NXPE2: variants seen among roughly 807,000 people sequenced by gnomAD.
NXPE2 encodes the protein neurexophilin and PC-esterase domain family member 2, also known as NXPE family member 2.
A neutral mutation model predicts 34.4 loss-of-function variants in NXPE2; 34 were observed. The ratio of observed to expected loss-of-function variants is 0.99; its 90% CI spans 0.75 to 1.31. The LOEUF is 1.31. Ranked by LOEUF, NXPE2 falls within the 40% of genes most tolerant of loss-of-function variation. The pLI is 0.00. For synonymous variants in NXPE2, 235 were observed against 231.3 expected (o/e 1.02, Z -0.15); for missense variants, 649 against 672.5 (o/e 0.97, Z 0.39).
the NXPE2 span, among the ~76,000 whole-genome samples, chr11:114,547,136 G>C: frequency 5.3e-5 from 8 of 152,096 alleles, no homozygotes; most frequent in African/African-American, 1.7e-4. Flanking sequence ...TAAAGAGCAG[G>C]GTGGGGCAGA....
the NXPE2 span, among the ~76,000 whole-genome samples, chr11:114,727,785 ACACACACACACACAC>A: frequency 2.0e-5 from 3 of 149,548 alleles, no homozygotes; most frequent in African/African-American, 5.0e-5. Context: ...ACACACACAC[ACACACACACACACAC>A]ACACACACAC....
At chr11:114,524,289 A>G in the NXPE2 span, among the ~76,000 whole-genome samples, 1 of 152,146 alleles carries the variant, frequency 6.6e-6, no homozygotes, top group African/African-American at 2.4e-5. Context: ...TTCTATTACT[A>G]AAGAAGGAGA....
In NXPE2 at chr11:114,698,321, G is replaced by A; in HGVS notation, c.409G>A (p.Asp137Asn). 3.1e-6 allele frequency: 5 copies of A among 1,613,976 alleles called. No individual in the cohort carries two copies. Among genetic ancestry groups the A allele is most frequent in the Non-Finnish European group, 3.4e-6 (4 of 1,179,950 alleles). ...GCTGGACATCCTTCTGGAGGTGAGG[G>A]ACCACTTGGGACACAGGAAGCAATA... ...DQLDILLEVR[D>N]HLGHRKQYGG... Residue 137 changes from aspartate (D) to asparagine (N), a missense_variant, in exon 3 of 6, where the codon GAC (aspartate) becomes AAC (asparagine). Asp to Asn is a conservative substitution (Grantham distance 23, BLOSUM62 1). Transcript: ENST00000389586.
chr11:114,633,033 TTTA>T, the NXPE2 span, among the ~76,000 whole-genome samples: 2 of 112,722 alleles, frequency 1.8e-5, no homozygotes, highest in African/African-American at 3.6e-5. Context: ...AATGTAATAT[TTTA>T]TTATATAATT....
chr11:114,626,196 C>T, the NXPE2 span, among the ~76,000 whole-genome samples: 1 of 152,168 alleles, frequency 6.6e-6, no homozygotes, highest in African/African-American at 2.4e-5. Flanking sequence ...GGGCTGCCTG[C>T]CTCTGTAGGC....
chr11:114,811,041 T>C, the NXPE2 span, among the ~76,000 whole-genome samples: 1 of 151,802 alleles, frequency 6.6e-6, no homozygotes, highest in Non-Finnish European at 1.5e-5. Flanking sequence ...TGTAGGGACA[T>C]GGATGAAACT....
At chr11:114,615,277 T>G in the NXPE2 span, among the ~76,000 whole-genome samples, 1 of 150,856 alleles carries the variant, frequency 6.6e-6, no homozygotes, top group African/African-American at 2.4e-5. Flanking sequence ...CTTGTGGGTA[T>G]CCACTGTTAC....
chr11:114,658,374 C>G, the NXPE2 span, among the ~76,000 whole-genome samples: 2 of 152,106 alleles, frequency 1.3e-5, no homozygotes, highest in African/African-American at 4.8e-5. Flanking sequence ...GGAGCACAGA[C>G]GTAAAGAGAC....
chr11:114,613,183 C>G, the NXPE2 span, among the ~76,000 whole-genome samples: 1 of 151,682 alleles, frequency 6.6e-6, no homozygotes, highest in Non-Finnish European at 1.5e-5. Context: ...AGTGTTGCCT[C>G]TAGGGTAACC....
the NXPE2 span, among the ~76,000 whole-genome samples, chr11:114,756,441 A>T: frequency 6.6e-6 from 1 of 151,996 alleles, no homozygotes; most frequent in African/African-American, 2.4e-5. Context: ...TTCTACAATA[A>T]AATATTTCTA....
chr11:114,490,546 C>T, the NXPE2 span, among the ~76,000 whole-genome samples: 9 of 152,090 alleles, frequency 5.9e-5, no homozygotes, highest in Admixed American at 1.3e-4. Flanking sequence ...GAAATAATGC[C>T]GCATATCTAC....
the NXPE2 span, among the ~76,000 whole-genome samples, chr11:114,780,067 C>T: frequency 0.13 from 20,384 of 152,258 alleles, 1,436 homozygotes; most frequent in Admixed American, 0.2. Flanking sequence ...CATGTGTCCA[C>T]TGCCTCCCCG....
the NXPE2 span, among the ~76,000 whole-genome samples, chr11:114,638,508 G>A: frequency 6.6e-6 from 1 of 152,018 alleles, no homozygotes; most frequent in African/African-American, 2.4e-5. Flanking sequence ...TTGCTGGTGA[G>A]GAACTGTGTT....
chr11:114,583,444 G>A, the NXPE2 span: 2 of 669,124 alleles, frequency 3.0e-6, no homozygotes, highest in African/African-American at 1.8e-5. Flanking sequence ...CTGAGGAGAT[G>A]ACCAAGTACC....
the NXPE2 span, among the ~76,000 whole-genome samples, chr11:114,610,926 G>T: frequency 2.0e-5 from 3 of 151,774 alleles, no homozygotes; most frequent in African/African-American, 7.3e-5. Flanking sequence ...AATAAGTATT[G>T]CCTCGTGGGT....
chr11:114,531,030 A>G, the NXPE2 span: 1 of 1,067,972 alleles, frequency 9.4e-7, no homozygotes, highest in Non-Finnish European at 1.3e-6. Flanking sequence ...TTGTTACCAA[A>G]TTGAATATTT....
At chr11:114,725,976 A>AAAATATATATATAT in the NXPE2 span, among the ~76,000 whole-genome samples, 162 of 101,746 alleles carry the variant, frequency 1.6e-3, 8 homozygotes, top group Non-Finnish European at 1.0e-3. Flanking sequence ...ATAAAAAAAA[A>AAAATATATATATAT]ATATATATAT....
the NXPE2 span, among the ~76,000 whole-genome samples, chr11:114,755,670 ATCTATCTATCTGTCTG>A: frequency 6.8e-6 from 1 of 147,616 alleles, no homozygotes; most frequent in Admixed American, 6.7e-5. Context: ...CCATCCATTT[ATCTATCTATCTGTCTG>A]TCTATCTATC....
chr11:114,664,687 T>C, the NXPE2 span, among the ~76,000 whole-genome samples: 1 of 152,168 alleles, frequency 6.6e-6, no homozygotes, highest in Admixed American at 6.5e-5. Context: ...TGTTGACTCA[T>C]AAAGTGGTGC....
Sources: allele counts gnomAD v4.1 joint callset (sites outside exome capture counted in the v4.1 genomes callset), GRCh38; gene constraint gnomAD v4.1.1; transcripts MANE v1.5; gene names NCBI Gene and HGNC (gene_info 2026-07-23, HGNC 2026-07-21).